The following FAM149A variants were observed in gnomAD, a reference collection of about 807,000 sequenced individuals.
The protein encoded by FAM149A is family with sequence similarity 149 member A, also known as protein FAM149A.
FAM149A carries 71 observed loss-of-function variants against 78.2 expected under a neutral mutation model. The ratio of observed to expected loss-of-function variants is 0.91; its 90% confidence interval spans 0.75 to 1.11. The LOEUF (loss-of-function observed/expected upper bound fraction) is 1.11. Ranked by LOEUF, FAM149A falls within the 50% of genes least tolerant of loss-of-function variation. The pLI, the probability that FAM149A is intolerant of heterozygous loss-of-function variation, is 0.00. For synonymous variants in FAM149A, 446 were observed against 410.5 expected, an observed-to-expected ratio of 1.09 and a Z score of -1.04; for missense variants, 1,036 against 971.0, an observed-to-expected ratio of 1.07 and a Z score of -0.89.
At chr4:186,108,374 C>T (rs1039571643) in intron 1 of FAM149A, among the ~76,000 whole-genome samples, 4 of 150,428 alleles carry the variant, frequency 2.7e-5, no homozygotes, top group Non-Finnish European at 4.4e-5. Context: ...TTGACAATAA[C>T]GCATACATTT....
At chr4:186,118,325 C>T (rs1236978581) in intron 1 of FAM149A, 6 of 751,172 alleles carry the variant, frequency 8.0e-6, no homozygotes, top group Non-Finnish European at 9.7e-6. Flanking sequence ...TACCTGCTTG[C>T]AGTTACCAGG....
At chr4:186,120,867 C>CT (rs2099315765) in intron 1 of FAM149A, among the ~76,000 whole-genome samples, 1 of 51,954 alleles carries the variant, frequency 1.9e-5, no homozygotes, top group Non-Finnish European at 3.6e-5. Context: ...TTTTTTTTTT[C>CT]TTTTGAGACG....
chr4:186,130,498 C>T (rs1321808170), intron 1 of FAM149A, among the ~76,000 whole-genome samples: 1 of 148,944 alleles, frequency 6.7e-6, no homozygotes, highest in African/African-American at 2.4e-5. Context: ...ACCTCAGCCT[C>T]CCCAGTAGCC....
In FAM149A at chr4:186,144,742, G is replaced by GGGGCCA. The variant is rs1286873027; in HGVS notation, c.567-4426_567-4425insAGGGCC. ...TCGGCGCGGGGCCGGGGCCGGGGCC[G>GGGGCCA]GGGCCCGGAGCGGGGATGGGCGGGC... On this transcript the variant is annotated intron_variant, in intron 1 of 13. Coordinates refer to ENST00000389354, the MANE Select transcript of FAM149A (RefSeq NM_001367768.3). The surrounding 1 kb of genome is among the most constrained non-coding windows in gnomAD (Gnocchi z 4.2). 3.5e-6 allele frequency: 3 copies of GGGGCCA among 866,650 alleles called. No homozygotes were observed. The highest frequency in any genetic ancestry group is 4.1e-6 in the Non-Finnish European group (3 of 727,834). 53.7% of individuals were successfully genotyped at this position (866,650 alleles called of 1,614,324 possible). A position where few individuals can be genotyped will look rare whatever the true frequency, so the allele number is the denominator to read the frequency against.
At chr4:186,141,912 T>C (rs2099325952) in intron 1 of FAM149A, among the ~76,000 whole-genome samples, 1 of 152,122 alleles carries the variant, frequency 6.6e-6, no homozygotes, top group Admixed American at 6.5e-5. Flanking sequence ...TGAACTCTGA[T>C]AAAATTCAAA....
rs1734724245 is a variant in FAM149A, at chr4:186,162,879, T to C, written c.1610T>C (p.Met537Thr). ...TTCTCCAGCAGTTTTTATAGTGACA[T>C]GAATGGTGTCATGACAATTCAAGCA... Residue 537 changes from methionine (M) to threonine (T), a missense_variant, in exon 9 of 14, where the codon ATG becomes ACG. Coordinates refer to ENST00000389354, the MANE Select transcript of FAM149A (RefSeq NM_001367768.3). The C allele has an allele frequency of 4.4e-6, 7 of 1,585,700 alleles. No homozygotes were observed. Among genetic ancestry groups the C allele is most frequent in the Non-Finnish European group, 6.0e-6 (7 of 1,161,738 alleles).
At chr4:186,155,761 G>A (rs915423640) in intron 6 of FAM149A, among the ~76,000 whole-genome samples, 1 of 151,720 alleles carries the variant, frequency 6.6e-6, no homozygotes, top group Non-Finnish European at 1.5e-5. Flanking sequence ...AAAGCTCAGA[G>A]CCGAAATAAA....
chr4:186,124,726 G>A (rs1368727035), intron 1 of FAM149A, among the ~76,000 whole-genome samples: 2 of 152,108 alleles, frequency 1.3e-5, no homozygotes, highest in African/African-American at 4.8e-5. Context: ...ATAAACATAC[G>A]TGTGCACGTG....
At chr4:186,149,790 A>G (rs573792749) in intron 3 of FAM149A, 86 bp downstream of exon 3, 116 of 984,944 alleles carry the variant, frequency 1.2e-4, no homozygotes, top group Non-Finnish European at 1.5e-4. Flanking sequence ...ATTTTTACCA[A>G]TTATAAAAGC....
chr4:186,149,656 C>A lies in FAM149A; in HGVS notation c.741C>A (p.Thr247=). The A allele has an allele frequency of 7.8e-7, 1 of 1,289,880 alleles. No homozygotes were observed. The highest frequency in any genetic ancestry group is 1.0e-6 in the Non-Finnish European group (1 of 988,812). The allele number at this position is 1,289,880 out of a possible 1,614,324, so 79.9% of individuals were successfully genotyped here. A position where few individuals can be genotyped will look rare whatever the true frequency, so the allele number is the denominator to read the frequency against. The change falls in exon 3 of 14, where the codon ACC becomes ACA. Residue 247 remains threonine, a synonymous_variant. Coordinates refer to ENST00000389354, the MANE Select transcript of FAM149A (RefSeq NM_001367768.3). Reference sequence around the variant, plus strand: ...CTGGGTCGGCCACACAGAGCTCTACCACCGGCTCATCCACGGAGAGGGGCT... The same window carrying A: ...CTGGGTCGGCCACACAGAGCTCTACAACCGGCTCATCCACGGAGAGGGGCT...
chr4:186,113,363 T>C (rs2099312139), intron 1 of FAM149A, among the ~76,000 whole-genome samples: 1 of 104,298 alleles, frequency 9.6e-6, no homozygotes, highest in Non-Finnish European at 2.0e-5. Flanking sequence ...TTCATTAATT[T>C]TTTGAAGGGT....
intron 13 of FAM149A, among the ~76,000 whole-genome samples, chr4:186,168,925 G>A (rs1404458657): frequency 2.0e-5 from 3 of 152,174 alleles, no homozygotes; most frequent in African/African-American, 7.2e-5. Context: ...TAGAGGAGAT[G>A]ACCATCACAA....
At chr4:186,169,277 C>T in intron 13 of FAM149A, 1 of 985,324 alleles carries the variant, frequency 1.0e-6, no homozygotes, top group Non-Finnish European at 1.2e-6. Context: ...AGACAACTTA[C>T]AAAACACAAA....
chr4:186,126,070 A>G lies in FAM149A; in HGVS notation c.566+20428A>G, dbSNP rs964117329. 5.1e-6 allele frequency: 5 copies of G among 985,166 alleles called. No homozygotes were observed. The African/African-American group carries it at 7.0e-5, about 14-fold the overall frequency. The allele number at this position is 985,166 out of a possible 1,614,324, so 61.0% of individuals were successfully genotyped here. A position where few individuals can be genotyped will look rare whatever the true frequency, so the allele number is the denominator to read the frequency against. On this transcript the variant is annotated intron_variant, in intron 1 of 13. Transcript: ENST00000389354. ...GTGGTGTTTCCCAGACTCCTGTGGG[A>G]TCTGGACGCTTGTTTCCAATATTTG...
chr4:186,146,591 T>C, intron 1 of FAM149A: 1 of 864,980 alleles, frequency 1.2e-6, no homozygotes, highest in Non-Finnish European at 1.4e-6. Context: ...CAAACTCGCA[T>C]GCGTCCCATT....
At chr4:186,157,984 T>C in intron 8 of FAM149A, 1 of 1,499,992 alleles carries the variant, frequency 6.7e-7, no homozygotes, top group African/African-American at 1.4e-5. Flanking sequence ...GGCACCACCC[T>C]TGGCTTCCAG....
At chr4:186,165,976 G>C (rs2126540671) in intron 11 of FAM149A, among the ~76,000 whole-genome samples, 1 of 152,324 alleles carries the variant, frequency 6.6e-6, no homozygotes, top group East Asian at 1.9e-4. Flanking sequence ...TTAGGACCCT[G>C]GTCATTTCTA....
In FAM149A at chr4:186,105,544, C is replaced by T; in HGVS notation, c.468C>T (p.Ala156=). The T allele has an allele frequency of 8.8e-7, 1 of 1,138,004 alleles. No homozygotes were observed. The highest frequency in any genetic ancestry group is 1.1e-6 in the Non-Finnish European group (1 of 921,644). 70.5% of individuals were successfully genotyped at this position (1,138,004 alleles called of 1,614,324 possible). ...GCCCCGGAGAGCGAGAGCTCGGCGC[C>T]TGCGTGGCCCCCGGGGCTGGCCCCA... The change falls in exon 1 of 14, where the codon GCC becomes GCT. Residue 156 remains alanine (A), a synonymous_variant. Transcript: ENST00000389354.
At chr4:186,123,582 C>T (rs1243797205) in intron 1 of FAM149A, among the ~76,000 whole-genome samples, 4 of 152,170 alleles carry the variant, frequency 2.6e-5, no homozygotes, top group South Asian at 4.1e-4. Flanking sequence ...TTTGCAAGCT[C>T]GGTGTTTTTT....
Sources: gnomAD v4.1 joint callset for allele counts (sites outside exome capture counted in the v4.1 genomes callset) on GRCh38, gnomAD v4.1.1 for gene constraint, Gnocchi (gnomAD v3.1) non-coding constraint, MANE v1.5 for transcripts, NCBI Gene and HGNC (gene_info 2026-07-23, HGNC 2026-07-21) for gene names.